The following HEBP1 variants were observed in gnomAD, a reference collection of about 807,000 sequenced individuals.
HEBP1 encodes the protein heme binding protein 1, also known as heme-binding protein 1.
In HEBP1, 13 loss-of-function variants were observed where a neutral mutation model predicts 20.4. That is an observed-to-expected ratio of 0.64 (90% CI 0.42 to 1.01). The LOEUF (loss-of-function observed/expected upper bound fraction) is 1.01, where lower values mean the gene tolerates loss of function less well. HEBP1 is among the 50% of genes least tolerant of loss of function. The pLI is 0.00. For synonymous variants in HEBP1, 92 were observed against 90.7 expected, an observed-to-expected ratio of 1.01 and a Z score of -0.08; for missense variants, 241 against 247.3, an observed-to-expected ratio of 0.97 and a Z score of 0.17.
At chr12:12,999,943 G>T in intron 1 of HEBP1, 94 bp downstream of exon 1, 1 of 741,152 alleles carries the variant, frequency 1.3e-6, no homozygotes, top group East Asian at 3.0e-5. Context: ...GCACATTCCT[G>T]CCCCACCTGC....
At chr12:12,984,127 T>C (rs984901322) in intron 3 of HEBP1, 2 of 158,740 alleles carry the variant, frequency 1.3e-5, no homozygotes, top group South Asian at 1.7e-4. Context: ...AGAATGAAAT[T>C]ATCATTCTGA....
Position 12,975,364 on chromosome 12 carries a change from C to G in HEBP1, c.514G>C (p.Asp172His). ...RGDIYFCTGYDPPMKPYGRRN... is the reference protein window; with the variant it reads ...RGDIYFCTGYHPPMKPYGRRN... ...CGTCCGTAGGGCTTCATGGGAGGGT[C>G]ATAACCCGTGCAGAAGTAGATGTCC... Residue 172 changes from aspartate to histidine, a missense_variant, in exon 4 of 4, where the codon GAC becomes CAC. Asp to His is a moderately conservative substitution (Grantham distance 81, BLOSUM62 -1). Transcript: ENST00000014930. 1.2e-6 allele frequency: 2 copies of G among 1,614,112 alleles called. No individual in the cohort carries two copies. Among genetic ancestry groups the G allele is most frequent in the Non-Finnish European group, 1.7e-6 (2 of 1,179,990 alleles).
At chr12:12,980,307 C>CTCGAGACCACA (rs1864061499) in intron 3 of HEBP1, 1 of 152,138 alleles carries the variant, frequency 6.6e-6, no homozygotes. Flanking sequence ...GTCTTTCTAC[C>CTCGAGACCACA]CTCGAGAGCT....
At chr12:12,985,103 G>A (rs1407558237) in intron 3 of HEBP1, among the ~76,000 whole-genome samples, 19 of 146,838 alleles carry the variant, frequency 1.3e-4, no homozygotes, top group South Asian at 2.2e-4. Flanking sequence ...AGCCAAGATC[G>A]CACCACTGCA....
At chr12:12,981,675 C>A (rs1202651734) in intron 3 of HEBP1, among the ~76,000 whole-genome samples, 1 of 152,212 alleles carries the variant, frequency 6.6e-6, no homozygotes, top group African/African-American at 2.4e-5. Context: ...GACATTACCT[C>A]ATGACGTCCA....
At chr12:12,987,612 T>TCTCTC (rs1230851526) in intron 2 of HEBP1, among the ~76,000 whole-genome samples, 1,786 of 117,706 alleles carry the variant, frequency 0.015, 35 homozygotes, top group Non-Finnish European at 0.017. Flanking sequence ...CTCTCTCTCT[T>TCTCTC]TCTCTCTCTC....
intron 2 of HEBP1, among the ~76,000 whole-genome samples, chr12:12,988,225 T>A (rs1864176810): frequency 6.6e-6 from 1 of 152,158 alleles, no homozygotes; most frequent in Non-Finnish European, 1.5e-5. Context: ...AAGACAACAT[T>A]GATTGTATTG....
rs887454841 is a variant in HEBP1, at chr12:12,991,547, C to G, written c.79-2132G>C. ...TTACTCATTATGGACCCCCACAGCTCTCCTTCAGTACATCTCCTGCTCCTT... is the reference window on the plus strand; with the variant it reads ...TTACTCATTATGGACCCCCACAGCTGTCCTTCAGTACATCTCCTGCTCCTT... On this transcript the variant is annotated intron_variant, in intron 1 of 3. Transcript: ENST00000014930. Among the ~76,000 whole-genome samples, 14 of 152,310 alleles carry G rather than the reference C, an allele frequency of 9.2e-5. No homozygotes were observed. In the East Asian group the frequency reaches 9.7e-4, roughly 11 times the overall value.
intron 3 of HEBP1, among the ~76,000 whole-genome samples, chr12:12,978,575 A>T (rs1349566057): frequency 6.6e-6 from 1 of 152,012 alleles, no homozygotes; most frequent in African/African-American, 2.4e-5. Context: ...CTGGCAGTGG[A>T]GGGACAGGGG....
chr12:12,993,943 A>C (rs1411178748), intron 1 of HEBP1, among the ~76,000 whole-genome samples: 1 of 152,166 alleles, frequency 6.6e-6, no homozygotes, highest in East Asian at 1.9e-4. Context: ...ATGTTTGGGG[A>C]GGTCAAGCTG....
In HEBP1 at chr12:12,998,283, C is replaced by T. The variant is rs980664028; in HGVS notation, c.78+1754G>A. On this transcript the variant is annotated intron_variant, in intron 1 of 3. Transcript: ENST00000014930. This position sits in a 1 kb window ranked among gnomAD's most constrained non-coding sequence, Gnocchi z 4.2. ...TTTATCCCATTGCCTAGAAGAGTGC[C>T]TGGCACATAGCACTCAAAAAACAGT... Among the ~76,000 whole-genome samples the T allele has an allele frequency of 6.6e-6, 1 of 152,128 alleles. No homozygotes were observed. The highest frequency in any genetic ancestry group is 2.4e-5 in the African/African-American group (1 of 41,430).
intron 2 of HEBP1, among the ~76,000 whole-genome samples, chr12:12,987,566 C>A (rs1480841167): frequency 6.6e-6 from 1 of 150,998 alleles, no homozygotes; most frequent in African/African-American, 2.4e-5. Context: ...CAATATATAT[C>A]AAGACTGTAG....
In HEBP1 at chr12:12,987,612, T is replaced by TCTCTCTCTCTCTCTC. The variant is rs1230851526; in HGVS notation, c.218-281_218-280insGAGAGAGAGAGAGAG. On this transcript the variant is annotated intron_variant, in intron 2 of 3. Transcript: ENST00000014930. ...TCTTTCTCTCTCTCTCTCTCTCTCTTTCTCTCTCTCTCTCTCTCTCTCTTT... is the reference window on the plus strand; with the variant it reads ...TCTTTCTCTCTCTCTCTCTCTCTCTTCTCTCTCTCTCTCTCTCTCTCTCTCTCTCTCTCTCTCTTT... Among the ~76,000 whole-genome samples the TCTCTCTCTCTCTCTC allele has an allele frequency of 1.6e-3, 184 of 117,830 alleles. 7 individuals carry two copies. The highest frequency in any genetic ancestry group is 5.5e-3 in the African/African-American group (179 of 32,604). 77.3% of individuals were successfully genotyped at this position (117,830 alleles called of 152,430 possible). A position where few individuals can be genotyped will look rare whatever the true frequency, so the allele number is the denominator to read the frequency against.
chr12:12,995,377 C>A (rs1591578312), intron 1 of HEBP1, among the ~76,000 whole-genome samples: 1 of 152,144 alleles, frequency 6.6e-6, no homozygotes, highest in East Asian at 1.9e-4. Context: ...TGTACCACGC[C>A]TTGCATATTG....
rs1002146519 is a variant in HEBP1 at position 12,998,917 on chromosome 12, A to G, written c.78+1120T>C. Among the ~76,000 whole-genome samples the G allele has an allele frequency of 1.3e-5, 2 of 152,174 alleles. No homozygotes were observed. Among genetic ancestry groups the G allele is most frequent in the Admixed American group, 1.3e-4 (2 of 15,282 alleles). On this transcript the variant is annotated intron_variant, in intron 1 of 3. Coordinates refer to ENST00000014930, the MANE Select transcript of HEBP1 (RefSeq NM_015987.5). This position sits in a 1 kb window ranked among gnomAD's most constrained non-coding sequence, Gnocchi z 4.2. ...ATTATGCTCTTCTCACTCATTCTGT[A>G]TTCTAGGTACCCAACTCCAGAGGAT...
chr12:12,989,796 ATAAACT>A (rs1418227663), intron 1 of HEBP1, among the ~76,000 whole-genome samples: 6 of 152,206 alleles, frequency 3.9e-5, no homozygotes, highest in African/African-American at 1.4e-4. Context: ...AAAAATACAG[ATAAACT>A]TAGAAGGGAG....
intron 1 of HEBP1, among the ~76,000 whole-genome samples, chr12:12,990,130 A>G (rs1231953855): frequency 7.1e-6 from 1 of 140,348 alleles, no homozygotes; most frequent in Non-Finnish European, 1.5e-5. Context: ...ACACACACAC[A>G]CACACACACA....
chr12:12,995,568 C>T (rs1864279045), intron 1 of HEBP1, among the ~76,000 whole-genome samples: 2 of 152,196 alleles, frequency 1.3e-5, no homozygotes, highest in South Asian at 4.1e-4. Flanking sequence ...GCAGGGATCA[C>T]TTGTTTTCAT....
chr12:12,993,145 C>CCCTT (rs1186355178), intron 1 of HEBP1, among the ~76,000 whole-genome samples: 639 of 23,680 alleles, frequency 0.027, 11 homozygotes, highest in Admixed American at 0.032. Flanking sequence ...CTCCCTCCCT[C>CCCTT]CCTTCCTTCC....
Sources: gnomAD v4.1 joint callset for allele counts (sites outside exome capture counted in the v4.1 genomes callset) on GRCh38, gnomAD v4.1.1 for gene constraint, Gnocchi (gnomAD v3.1) non-coding constraint, MANE v1.5 for transcripts, NCBI Gene and HGNC (gene_info 2026-07-23, HGNC 2026-07-21) for gene names.